The following MPPED1 variants were observed in gnomAD, a reference collection of about 807,000 sequenced individuals.
MPPED1 encodes metallophosphoesterase domain containing 1.
Under a neutral mutation model 36.2 loss-of-function variants are expected in MPPED1, and 16 were observed. The observed-to-expected ratio is 0.44, with a 90% confidence interval of 0.30 to 0.67. MPPED1 has a LOEUF of 0.67. Ranked by LOEUF, MPPED1 falls within the 30% of genes least tolerant of loss-of-function variation. The pLI, the probability that MPPED1 is intolerant of heterozygous loss-of-function variation, is 0.10. For missense variants in MPPED1, 307 were observed against 453.4 expected, an observed-to-expected ratio of 0.68 and a Z score of 2.93; for synonymous variants, 199 against 191.3, an observed-to-expected ratio of 1.04 and a Z score of -0.33.
chr22:43,471,387 G>T lies in MPPED1; in HGVS notation c.407-3349G>T, dbSNP rs960054393. 9.2e-5 allele frequency among the ~76,000 whole-genome samples: 14 copies of T among 152,314 alleles called. No homozygotes were observed. The South Asian group carries it at 1.5e-3, about 16-fold the overall frequency. ...GTGTTTGGGGAGGGGCTCGATGAGG[G>T]GTCTGCTGGCCTTGGAGGAGTCTGA... On this transcript the variant is annotated intron_variant, in intron 3 of 6. Transcript: ENST00000443721.
intron 1 of MPPED1, among the ~76,000 whole-genome samples, chr22:43,414,451 C>T (rs1929008898): frequency 6.6e-6 from 1 of 152,134 alleles, no homozygotes; most frequent in African/African-American, 2.4e-5. Context: ...AGAAAACCCT[C>T]CCCAAAGTGC....
Position 43,435,138 on chromosome 22 carries a change from G to C in MPPED1, c.329G>C (p.Gly110Ala), listed in dbSNP as rs182725627. The change falls in exon 3 of 7, where the codon GGC becomes GCC. Residue 110 changes from glycine to alanine, a missense_variant. Physicochemically the swap from Gly to Ala is moderately conservative, Grantham distance 60. Around this residue, in one of 3 missense-constraint regions of MPPED1, gnomAD observed 169 missense variants for 212.3 expected, o/e 0.80. Coordinates refer to ENST00000443721, the MANE Select transcript of MPPED1 (RefSeq NM_001044370.2). The stretch of plus-strand genomic sequence containing the variant: ...ACGGACCCCATCCAGATGCCGTACG[G>C]CGACGTGCTGATCCACGCTGGGGAC... ...SRTDPIQMPYGDVLIHAGDFT... is the reference protein window; with the variant it reads ...SRTDPIQMPYADVLIHAGDFT... The C allele has an allele frequency of 1.5e-4, 246 of 1,613,740 alleles. 1 individual carries two copies. The African/African-American group carries it at 3.0e-3, about 20-fold the overall frequency.
chr22:43,460,837 C>T (rs139782914), intron 3 of MPPED1, among the ~76,000 whole-genome samples: 370 of 152,212 alleles, frequency 2.4e-3, no homozygotes, highest in African/African-American at 8.5e-3. Context: ...GATGAGGGCC[C>T]CTTTCCTAGG....
intron 1 of MPPED1, chr22:43,419,310 T>C (rs1313894147): frequency 6.6e-6 from 1 of 152,146 alleles, no homozygotes; most frequent in Non-Finnish European, 1.5e-5. Context: ...GGGCTGTGGG[T>C]GGAGGCTCCT....
chr22:43,490,849 G>C (rs1160642867), intron 4 of MPPED1, among the ~76,000 whole-genome samples: 1 of 152,226 alleles, frequency 6.6e-6, no homozygotes, highest in Non-Finnish European at 1.5e-5. Context: ...GGTTCAGCCA[G>C]TGGGGCTCTG....
At chr22:43,491,689 A>AT (rs1569087193) in intron 4 of MPPED1, among the ~76,000 whole-genome samples, 57 of 70,604 alleles carry the variant, frequency 8.1e-4, no homozygotes, top group African/African-American at 2.6e-3. Context: ...GTGGTTATGG[A>AT]GGTGGTGGTG....
chr22:43,418,868 C>CGGTGGGGCGAGAAG (rs1176504007), intron 1 of MPPED1: 1 of 152,266 alleles, frequency 6.6e-6, no homozygotes, highest in Non-Finnish European at 1.5e-5. Context: ...GAGTCTTACT[C>CGGTGGGGCGAGAAG]GGTGGGGCGA....
In MPPED1 at chr22:43,472,753, G is replaced by A. The variant is rs573848598; in HGVS notation, c.407-1983G>A. The stretch of plus-strand genomic sequence containing the variant: ...GCCCTGGCCCACCCTCCCTGGCCAG[G>A]CTGGGACCTGGCCATTTGCCGTGGC... On this transcript the variant is annotated intron_variant, in intron 3 of 6. Transcript: ENST00000443721. 1.1e-4 allele frequency among the ~76,000 whole-genome samples: 16 copies of A among 152,092 alleles called. No homozygotes were observed. The South Asian group carries it at 2.7e-3, about 26-fold the overall frequency.
Position 43,425,121 on chromosome 22 carries a change from G to C in MPPED1, c.136G>C (p.Glu46Gln). The change falls in exon 2 of 7, where the codon GAG (glutamate) becomes CAG (glutamine). Residue 46 changes from glutamate (E) to glutamine (Q), a missense_variant. Glu to Gln is a conservative substitution (Grantham distance 29). Coordinates refer to ENST00000443721, the MANE Select transcript of MPPED1 (RefSeq NM_001044370.2). Reference protein sequence around the residue: ...RRHQHSRLIIEVDEYSSNPTQ... With the variant: ...RRHQHSRLIIQVDEYSSNPTQ... ...GCACCAGCACAGCCGGCTCATCATCGAGGTGGACGAGTACAGCTCCAACCC... is the reference window on the plus strand; with the variant it reads ...GCACCAGCACAGCCGGCTCATCATCCAGGTGGACGAGTACAGCTCCAACCC... 2 of 1,613,870 alleles carry C rather than the reference G, an allele frequency of 1.2e-6. No homozygotes were observed. The highest frequency in any genetic ancestry group is 1.1e-5 in the South Asian group (1 of 91,076).
chr22:43,471,830 A>G (rs1931387313), intron 3 of MPPED1, among the ~76,000 whole-genome samples: 1 of 152,228 alleles, frequency 6.6e-6, no homozygotes, highest in Non-Finnish European at 1.5e-5. Flanking sequence ...GAGCTCTCCC[A>G]TGAGCACAGC....
chr22:43,488,704 A>ATT (rs1432102728), intron 4 of MPPED1, among the ~76,000 whole-genome samples: 2 of 152,218 alleles, frequency 1.3e-5, no homozygotes, highest in African/African-American at 2.4e-5. Context: ...GAAAAGGAAA[A>ATT]TTTGCTCTGG....
intron 3 of MPPED1, among the ~76,000 whole-genome samples, chr22:43,465,920 A>G (rs1268518421): frequency 1.3e-5 from 2 of 152,196 alleles, no homozygotes; most frequent in Non-Finnish European, 2.9e-5. Context: ...CCTTTTGTGC[A>G]CATCTCTGGG....
chr22:43,502,699 C>G lies in MPPED1; in HGVS notation c.804C>G (p.Leu268=), dbSNP rs779315589. 1 of 1,613,308 alleles carries G rather than the reference C, an allele frequency of 6.2e-7. No homozygotes were observed. Among genetic ancestry groups the G allele is most frequent in the East Asian group, 2.2e-5 (1 of 44,868 alleles). The change falls in exon 6 of 7, where the codon CTC becomes CTG. Residue 268 remains leucine, a synonymous_variant. Transcript: ENST00000443721. This position sits in a 1 kb window ranked among gnomAD's most constrained non-coding sequence, Gnocchi z 5.5. Reference sequence around the variant, plus strand: ...AGCGGGTGGGCTGTGTGGAGCTGCTCAACACGGTGCAGAGGCGCGTCCAGC... The same window carrying G: ...AGCGGGTGGGCTGTGTGGAGCTGCTGAACACGGTGCAGAGGCGCGTCCAGC... ...KMQRVGCVEL[L]NTVQRRVQPR...
chr22:43,460,934 T>C (rs1335266878), intron 3 of MPPED1, among the ~76,000 whole-genome samples: 1 of 152,224 alleles, frequency 6.6e-6, no homozygotes, highest in Non-Finnish European at 1.5e-5. Flanking sequence ...AGTTTCTTGG[T>C]TGGCCTCTTG....
chr22:43,475,550 G>A (rs868227743), intron 4 of MPPED1, among the ~76,000 whole-genome samples: 24 of 63,440 alleles, frequency 3.8e-4, no homozygotes, highest in African/African-American at 1.1e-3. Context: ...TGATGTGATG[G>A]TGATGGTGGT....
chr22:43,444,279 GGTGTGTGTGTGTGTGTGTGTGTGTGT>G (rs35340638), intron 3 of MPPED1, among the ~76,000 whole-genome samples: 1 of 141,934 alleles, frequency 7.0e-6, no homozygotes, highest in Non-Finnish European at 1.5e-5. Flanking sequence ...GACCCACTGG[GGTGTGTGTGTGTGTGTGTGTGTGTGT>G]GTGTGTGTGT....
intron 4 of MPPED1, among the ~76,000 whole-genome samples, chr22:43,495,504 AGGTGGTGGTGGTGGT>A (rs1433367373): frequency 1.0e-4 from 1 of 9,570 alleles, no homozygotes; most frequent in Non-Finnish European, 1.7e-4. Flanking sequence ...GTGGTGGTGG[AGGTGGTGGTGGTGGT>A]GGAGGTGGTG....
At position 43,502,197 on chromosome 22, in the gene MPPED1, G is replaced by T. The variant is rs1019473269; in HGVS notation, c.749-447G>T. ...TTCTGACATGGAAATCTCACTCCTG[G>T]GCTGTGTATCAGGACGCCCTGCTCT... On this transcript the variant is annotated intron_variant, in intron 5 of 6. Coordinates refer to ENST00000443721, the MANE Select transcript of MPPED1 (RefSeq NM_001044370.2). The surrounding 1 kb of genome is among the most constrained non-coding windows in gnomAD (Gnocchi z 5.5). Among the ~76,000 whole-genome samples the T allele has an allele frequency of 6.6e-6, 1 of 152,086 alleles. No homozygotes were observed. Among genetic ancestry groups the T allele is most frequent in the African/African-American group, 2.4e-5 (1 of 41,420 alleles).
chr22:43,497,952 T>TATATATATATATATA (rs1602022301), intron 4 of MPPED1, among the ~76,000 whole-genome samples: 1 of 73,722 alleles, frequency 1.4e-5, no homozygotes, highest in African/African-American at 1.4e-4. Flanking sequence ...TATATATGTA[T>TATATATATATATATA]TTAGCTTTCT....
Sources: gnomAD v4.1 joint callset for allele counts (sites outside exome capture counted in the v4.1 genomes callset) on GRCh38, gnomAD v4.1.1 for gene constraint, gnomAD v4.1.1 regional missense constraint, Gnocchi (gnomAD v3.1) non-coding constraint, MANE v1.5 for transcripts, NCBI Gene and HGNC (gene_info 2026-07-23, HGNC 2026-07-21) for gene names.